The following NAA16 variants were observed in gnomAD, a reference collection of about 807,000 sequenced individuals.
NAA16 encodes NARG1-like protein.
In NAA16, 97 loss-of-function variants were observed where a neutral mutation model predicts 110.3. That is an observed-to-expected ratio of 0.88 (90% CI 0.75 to 1.04). The LOEUF (loss-of-function observed/expected upper bound fraction) is 1.04. Among genes scored for constraint, NAA16 ranks in the 50% least tolerant of loss-of-function variants. NAA16 has a pLI of 0.00. For synonymous variants in NAA16, 372 were observed against 330.6 expected (o/e 1.13, Z -1.36); for missense variants, 1,017 against 1,005.1 (o/e 1.01, Z -0.16).
chr13:41,361,375 C>A (rs1411998918), intron 12 of NAA16, among the ~76,000 whole-genome samples: 1 of 152,188 alleles, frequency 6.6e-6, no homozygotes, highest in Non-Finnish European at 1.5e-5. Flanking sequence ...GCAGCTATTA[C>A]TAACAGATTT....
chr13:41,339,471 A>C (rs970315499), intron 9 of NAA16, among the ~76,000 whole-genome samples: 3 of 152,008 alleles, frequency 2.0e-5, no homozygotes, highest in Admixed American at 6.6e-5. Flanking sequence ...CCAGCATTTA[A>C]ATTTTTTTGG....
At chr13:41,312,887 T>G (rs2041675228) in intron 1 of NAA16, among the ~76,000 whole-genome samples, 1 of 152,252 alleles carries the variant, frequency 6.6e-6, no homozygotes, top group South Asian at 2.1e-4. Context: ...CGTGGCAGGT[T>G]GCTTCATTGG....
chr13:41,316,727 CTTTCTATCACA>C, intron 1 of NAA16, 108 bp from the exon 2 acceptor site: 1 of 646,552 alleles, frequency 1.5e-6, no homozygotes, highest in Non-Finnish European at 2.8e-6. Flanking sequence ...AAGTGATATC[CTTTCTATCACA>C]TTTTAGACCT....
Position 41,362,106 on chromosome 13 carries a change from C to T in NAA16, c.1486C>T (p.Gln496Ter). The part of the protein sequence containing the change: ...WFQTECISAY[Q>*]RLGRYGDALK... ...TCAGACAGAATGCATTTCAGCTTAT[C>T]AGCGTCTGGGGAGATACGGGGATGC... Residue 496 changes from glutamine to a stop codon, truncating the protein, a stop_gained, in exon 13 of 20, where the codon CAG (glutamine) becomes TAG (stop). Transcript: ENST00000379406. LOFTEE classifies it high-confidence loss of function. 6.2e-7 allele frequency: 1 copy of T among 1,609,458 alleles called. No homozygotes were observed. The highest frequency in any genetic ancestry group is 2.2e-5 in the East Asian group (1 of 44,532).
At chr13:41,345,068 G>A (rs560523986) in intron 9 of NAA16, among the ~76,000 whole-genome samples, 1 of 152,244 alleles carries the variant, frequency 6.6e-6, no homozygotes, top group South Asian at 2.1e-4. Flanking sequence ...TCCCTTTTAT[G>A]ACCATGTAAC....
At chr13:41,325,655 T>C in intron 5 of NAA16, 43 bp from the exon 6 acceptor site, 1 of 1,388,784 alleles carries the variant, frequency 7.2e-7, no homozygotes, top group Non-Finnish European at 9.8e-7. Flanking sequence ...GTAACTGCTT[T>C]ATATAATTAT....
intron 1 of NAA16, among the ~76,000 whole-genome samples, chr13:41,315,262 A>C (rs895939174): frequency 6.6e-6 from 1 of 152,176 alleles, no homozygotes; most frequent in Non-Finnish European, 1.5e-5. Flanking sequence ...CAGAAGGAAC[A>C]CAAGTGTAGG....
intron 14 of NAA16, among the ~76,000 whole-genome samples, chr13:41,368,671 T>C (rs1298589508): frequency 6.6e-6 from 1 of 152,244 alleles, no homozygotes; most frequent in African/African-American, 2.4e-5. Context: ...ATATGTTTTT[T>C]TAAATTGCAT....
At chr13:41,373,338 A>G (rs1302714429) in intron 17 of NAA16, 5 of 372,012 alleles carry the variant, frequency 1.3e-5, no homozygotes, top group Admixed American at 6.5e-5. Context: ...GCTCACTGCA[A>G]CCTCCACCTC....
At chr13:41,321,400 C>T (rs960839737) in intron 4 of NAA16, among the ~76,000 whole-genome samples, 4 of 152,150 alleles carry the variant, frequency 2.6e-5, no homozygotes. Context: ...TAGTCTTGAA[C>T]TCCTAGGCTC....
intron 3 of NAA16, among the ~76,000 whole-genome samples, chr13:41,320,010 T>TA (rs2041907922): frequency 6.6e-6 from 1 of 152,186 alleles, no homozygotes; most frequent in African/African-American, 2.4e-5. Context: ...ATATTTAGCT[T>TA]AGAGTTTTCT....
intron 9 of NAA16, among the ~76,000 whole-genome samples, chr13:41,338,591 T>C (rs1331508008): frequency 2.6e-5 from 4 of 152,214 alleles, no homozygotes; most frequent in African/African-American, 9.6e-5. Context: ...GCTCCAGTTA[T>C]CTGAATTTAG....
At chr13:41,320,849 CATG>C (rs1399807796) in intron 4 of NAA16, 25 bp downstream of exon 4, 3 of 1,559,324 alleles carry the variant, frequency 1.9e-6, no homozygotes, top group Non-Finnish European at 2.6e-6. Flanking sequence ...CTTAAATGTA[CATG>C]ATTTTACAGT....
intron 3 of NAA16, among the ~76,000 whole-genome samples, chr13:41,319,212 A>C (rs2041883984): frequency 6.6e-6 from 1 of 152,196 alleles, no homozygotes; most frequent in Non-Finnish European, 1.5e-5. Context: ...GAGAAAAGTT[A>C]CTTTGGTAAT....
In NAA16 at chr13:41,317,126, A is replaced by G. The variant is rs1410545031; in HGVS notation, c.139+196A>G. 2.0e-5 allele frequency among the ~76,000 whole-genome samples: 3 copies of G among 152,200 alleles called. No homozygotes were observed. The East Asian group carries it at 5.8e-4, about 29-fold the overall frequency. The stretch of plus-strand genomic sequence containing the variant: ...TATCCTTAAGTATGTATACTTAAGG[A>G]TAAGATTAGGATGGTTCGTTTATCT... On this transcript the variant is annotated intron_variant, in intron 2 of 19. Transcript: ENST00000379406.
At chr13:41,337,372 TC>T (rs1264650109) in intron 9 of NAA16, among the ~76,000 whole-genome samples, 7 of 151,910 alleles carry the variant, frequency 4.6e-5, no homozygotes, top group Non-Finnish European at 8.8e-5. Context: ...TGAAACCCCA[TC>T]TCTAGTAAGA....
rs760058118 is a variant in NAA16 at position 41,358,820 on chromosome 13, A to G, written c.1268A>G (p.Asn423Ser). ...MKAKIYKHIG[N>S]LKEAAKWMDE... ...AATTATCTTTTATAGCATATAGGTA[A>G]TCTCAAAGAAGCTGCAAAGTGGATG... Residue 423 changes from asparagine (N) to serine (S), a missense_variant, in exon 12 of 20, where the codon AAT (asparagine) becomes AGT (serine). Physicochemically the swap from Asn to Ser is conservative, Grantham distance 46. Coordinates refer to ENST00000379406, the MANE Select transcript of NAA16 (RefSeq NM_024561.5). 1.3e-6 allele frequency: 2 copies of G among 1,599,388 alleles called. No individual in the cohort carries two copies. Among genetic ancestry groups the G allele is most frequent in the Non-Finnish European group, 1.7e-6 (2 of 1,170,892 alleles).
chr13:41,346,240 C>G (rs1253843356), intron 9 of NAA16, among the ~76,000 whole-genome samples: 1 of 152,186 alleles, frequency 6.6e-6, no homozygotes, highest in Non-Finnish European at 1.5e-5. Flanking sequence ...AGAGACTCTT[C>G]TTTCCCTGTT....
At chr13:41,354,187 A>C (rs1282614930) in intron 9 of NAA16, among the ~76,000 whole-genome samples, 1 of 152,246 alleles carries the variant, frequency 6.6e-6, no homozygotes, top group Non-Finnish European at 1.5e-5. Context: ...CATGTGAGAA[A>C]GCTATCATGT....
Sources: gnomAD v4.1 joint callset for allele counts (sites outside exome capture counted in the v4.1 genomes callset) on GRCh38, gnomAD v4.1.1 for gene constraint, MANE v1.5 for transcripts, NCBI Gene and HGNC (gene_info 2026-07-23, HGNC 2026-07-21) for gene names.